The following STXBP6 variants were observed in gnomAD, a reference collection of about 807,000 sequenced individuals.
STXBP6 encodes the protein syntaxin binding protein 6.
STXBP6 carries 21 observed loss-of-function variants against 26.9 expected under a neutral mutation model. The observed-to-expected ratio is 0.78, with a 90% CI of 0.55 to 1.12. The LOEUF (loss-of-function observed/expected upper bound fraction) is 1.12. Ranked by LOEUF, STXBP6 falls within the 50% of genes most tolerant of loss-of-function variation. The probability of loss-of-function intolerance (pLI) is 0.00; values close to 1 mark genes in which losing one functional copy is unlikely to be tolerated. For missense variants in STXBP6, 232 were observed against 257.9 expected (o/e 0.90, Z 0.69); for synonymous variants, 97 against 92.6 (o/e 1.05, Z -0.27).
intron 5 of STXBP6, chr14:24,815,663 C>T (rs1462745408): frequency 6.6e-6 from 1 of 152,020 alleles, no homozygotes; most frequent in African/African-American, 2.4e-5. Context: ...TTTTTTTCTG[C>T]AAGAAATGTC....
chr14:24,820,267 G>A lies in STXBP6; in HGVS notation c.452-1073C>T, dbSNP rs141012087. ...GCCACAGATAGCTTTTAATAGAAACGCAATTTCCACTGGTCTCAGCTGCAA... is the reference window on the plus strand; with the variant it reads ...GCCACAGATAGCTTTTAATAGAAACACAATTTCCACTGGTCTCAGCTGCAA... On this transcript the variant is annotated intron_variant, in intron 4 of 5. Transcript: ENST00000323944. 2.1e-3 allele frequency among the ~76,000 whole-genome samples: 323 copies of A among 152,272 alleles called. 3 individuals are homozygous for A. The highest frequency in any genetic ancestry group is 7.1e-3 in the African/African-American group (295 of 41,562).
rs569481414 is a variant in STXBP6 at position 25,031,421 on chromosome 14, C to T, written c.-33+18457G>A. On this transcript the variant is annotated intron_variant, in intron 1 of 5. Coordinates refer to ENST00000323944, the MANE Select transcript of STXBP6 (RefSeq NM_001394410.1). ...AGAGGCAGGCAGAAAGATGAGAGTA[C>T]AGGAGGAAGAGATGACAAAGGGGTT... 7.2e-5 allele frequency among the ~76,000 whole-genome samples: 11 copies of T among 152,276 alleles called. No homozygotes were observed. The East Asian group carries it at 2.1e-3, about 29-fold the overall frequency.
intron 4 of STXBP6, among the ~76,000 whole-genome samples, chr14:24,853,869 G>T (rs1348408096): frequency 1.3e-5 from 2 of 152,086 alleles, no homozygotes; most frequent in South Asian, 2.1e-4. Context: ...CTCAATGATG[G>T]ACAGAAGCAG....
At chr14:24,936,198 G>C (rs1425623806) in intron 2 of STXBP6, among the ~76,000 whole-genome samples, 4 of 152,122 alleles carry the variant, frequency 2.6e-5, no homozygotes, top group African/African-American at 9.7e-5. Flanking sequence ...ATTAGTCCCA[G>C]ACTCTACTTG....
intron 2 of STXBP6, among the ~76,000 whole-genome samples, chr14:24,867,352 G>A (rs977924080): frequency 3.9e-5 from 6 of 152,066 alleles, no homozygotes; most frequent in South Asian, 2.1e-4. Flanking sequence ...AAAAAAAGTC[G>A]GTGGTTGATA....
chr14:24,859,538 T>C (rs1220190393), intron 2 of STXBP6, among the ~76,000 whole-genome samples: 2 of 152,122 alleles, frequency 1.3e-5, no homozygotes, highest in Non-Finnish European at 2.9e-5. Context: ...AACTATTTCA[T>C]TGTTTTGTTG....
At chr14:25,043,355 C>A (rs754109325) in intron 1 of STXBP6, among the ~76,000 whole-genome samples, 46 of 152,092 alleles carry the variant, frequency 3.0e-4, no homozygotes, top group Non-Finnish European at 4.7e-4. Context: ...GAAACTGAAA[C>A]CCTATTTCTG....
intron 2 of STXBP6, among the ~76,000 whole-genome samples, chr14:24,953,699 A>G (rs2073246023): frequency 6.6e-6 from 1 of 152,194 alleles, no homozygotes. Context: ...AAAACAGTTG[A>G]TTATCTTAAT....
intron 1 of STXBP6, among the ~76,000 whole-genome samples, chr14:24,982,590 T>A (rs1234363840): frequency 6.6e-6 from 1 of 152,214 alleles, no homozygotes; most frequent in East Asian, 1.9e-4. Context: ...CCAAAGACTA[T>A]GAGACCCGAT....
At chr14:24,883,719 A>C (rs1342416906) in intron 2 of STXBP6, among the ~76,000 whole-genome samples, 1 of 152,170 alleles carries the variant, frequency 6.6e-6, no homozygotes, top group East Asian at 1.9e-4. Context: ...ATTAGTCAGT[A>C]GAGTTTCCAC....
At chr14:24,897,351 A>G (rs1342240769) in intron 2 of STXBP6, among the ~76,000 whole-genome samples, 1 of 144,294 alleles carries the variant, frequency 6.9e-6, no homozygotes, top group East Asian at 2.1e-4. Context: ...GGGAGTTTGC[A>G]GTGAGCCAAG....
intron 4 of STXBP6, among the ~76,000 whole-genome samples, chr14:24,826,269 C>T (rs1349690519): frequency 3.3e-5 from 5 of 152,146 alleles, no homozygotes; most frequent in South Asian, 2.1e-4. Context: ...TGTTGTGCTT[C>T]GGTTTCCTCA....
chr14:24,844,637 G>A (rs1291689587), intron 4 of STXBP6, among the ~76,000 whole-genome samples: 1 of 152,168 alleles, frequency 6.6e-6, no homozygotes, highest in African/African-American at 2.4e-5. Flanking sequence ...AGTAGAAACA[G>A]ATCCTAAAAA....
chr14:24,885,474 G>C (rs949653555), intron 2 of STXBP6, among the ~76,000 whole-genome samples: 2 of 152,198 alleles, frequency 1.3e-5, no homozygotes, highest in African/African-American at 4.8e-5. Flanking sequence ...ACCTAGGATA[G>C]ACAGGCCTTA....
chr14:25,003,869 C>G (rs1336768086), intron 1 of STXBP6, among the ~76,000 whole-genome samples: 1 of 152,202 alleles, frequency 6.6e-6, no homozygotes. Context: ...CAGGGAAAGA[C>G]CTATTCATAC....
chr14:25,041,073 G>C (rs1443995762), intron 1 of STXBP6, among the ~76,000 whole-genome samples: 1 of 152,306 alleles, frequency 6.6e-6, no homozygotes, highest in East Asian at 1.9e-4. Context: ...TGTAATCCCA[G>C]CACTTTGGGA....
At chr14:24,840,925 C>T (rs1186871403) in intron 4 of STXBP6, among the ~76,000 whole-genome samples, 1 of 151,972 alleles carries the variant, frequency 6.6e-6, no homozygotes, top group African/African-American at 2.4e-5. Flanking sequence ...ATTGAACATA[C>T]AGCATGTATT....
chr14:24,818,387 G>A (rs1203520617), intron 5 of STXBP6, among the ~76,000 whole-genome samples: 1 of 152,194 alleles, frequency 6.6e-6, no homozygotes, highest in African/African-American at 2.4e-5. Context: ...AGAATGTGCA[G>A]AGTGCGCACT....
chr14:24,931,133 A>AAAACAAAAAAACAAAAAC (rs2072381413), intron 2 of STXBP6, among the ~76,000 whole-genome samples: 1 of 139,800 alleles, frequency 7.2e-6, no homozygotes, highest in Non-Finnish European at 1.5e-5. Flanking sequence ...AAAAAAAAAA[A>AAAACAAAAAAACAAAAAC]AAAAAAAAAC....
Sources: gnomAD v4.1 joint callset for allele counts (sites outside exome capture counted in the v4.1 genomes callset) on GRCh38, gnomAD v4.1.1 for gene constraint, MANE v1.5 for transcripts, NCBI Gene and HGNC (gene_info 2026-07-23, HGNC 2026-07-21) for gene names.